Variants in TMEM272 observed in about 807,000 individuals in gnomAD.
The protein encoded by TMEM272 is long intergenic non-protein coding RNA 282.
A neutral mutation model predicts 3.7 loss-of-function variants in TMEM272; 8 were observed. The observed-to-expected ratio is 2.17, with a 90% CI of 1.27 to 3.91. The LOEUF is 3.91. TMEM272 is among the 30% of genes most tolerant of loss of function. The pLI is 0.00. For missense variants in TMEM272, 166 were observed against 91.5 expected (o/e 1.81, Z -3.32); for synonymous variants, 63 against 39.8 (o/e 1.58, Z -2.20).
At chr13:51,922,296 T>A in the TMEM272 span, among the ~76,000 whole-genome samples, 1 of 152,250 alleles carries the variant, frequency 6.6e-6, no homozygotes, top group African/African-American at 2.4e-5. Flanking sequence ...GATTCCCAAA[T>A]GCGCTCAGCT....
the TMEM272 span, among the ~76,000 whole-genome samples, chr13:51,870,540 T>A: frequency 1.3e-5 from 2 of 152,002 alleles, no homozygotes; most frequent in Non-Finnish European, 2.9e-5. Flanking sequence ...CAAGTCCCGA[T>A]AAAACACAGA....
intron 2 of TMEM272, among the ~76,000 whole-genome samples, chr13:51,836,139 T>A (rs1593597772): frequency 6.6e-6 from 1 of 152,200 alleles, no homozygotes; most frequent in African/African-American, 2.4e-5. Flanking sequence ...GATCAGGCCC[T>A]GGGAGCAGAG....
the TMEM272 span, among the ~76,000 whole-genome samples, chr13:51,897,682 T>C: frequency 1.5e-4 from 23 of 151,758 alleles, no homozygotes; most frequent in East Asian, 4.5e-3. Context: ...GTCCCAGTAC[T>C]TTGGGAGGCC....
At chr13:51,835,257 T>C (rs1373863938) in intron 2 of TMEM272, among the ~76,000 whole-genome samples, 1 of 151,310 alleles carries the variant, frequency 6.6e-6, no homozygotes, top group Non-Finnish European at 1.5e-5. Context: ...GGAGTCTCAC[T>C]CTGTCACCAG....
At chr13:51,906,536 C>T in the TMEM272 span, among the ~76,000 whole-genome samples, 3 of 152,162 alleles carry the variant, frequency 2.0e-5, no homozygotes, top group South Asian at 6.2e-4. Flanking sequence ...TTGTTATTGG[C>T]CTAATTGCAT....
the TMEM272 span, among the ~76,000 whole-genome samples, chr13:51,924,938 T>C: frequency 6.6e-6 from 1 of 152,176 alleles, no homozygotes; most frequent in Admixed American, 6.5e-5. Flanking sequence ...ACCAGTATGT[T>C]TGGGAAATGC....
At chr13:51,907,630 G>T in the TMEM272 span, among the ~76,000 whole-genome samples, 1 of 152,096 alleles carries the variant, frequency 6.6e-6, no homozygotes, top group African/African-American at 2.4e-5. Flanking sequence ...CACCGTAAAG[G>T]CTCTTGCCCA....
At chr13:51,854,776 G>A in the TMEM272 span, among the ~76,000 whole-genome samples, 8 of 152,128 alleles carry the variant, frequency 5.3e-5, no homozygotes, top group South Asian at 1.5e-3. Context: ...AGTGACCGAG[G>A]GCATAGGAAA....
the TMEM272 span, among the ~76,000 whole-genome samples, chr13:51,894,771 T>C: frequency 6.6e-6 from 1 of 152,168 alleles, no homozygotes; most frequent in Non-Finnish European, 1.5e-5. Flanking sequence ...TTCAGGATGA[T>C]TCAAGTGCAT....
the TMEM272 span, among the ~76,000 whole-genome samples, chr13:51,904,103 G>A: frequency 2.6e-5 from 4 of 152,116 alleles, no homozygotes; most frequent in Admixed American, 1.3e-4. Context: ...GGCATGAGGT[G>A]GTTTTCTGCA....
At chr13:51,926,758 A>AG in the TMEM272 span, among the ~76,000 whole-genome samples, 2 of 152,212 alleles carry the variant, frequency 1.3e-5, no homozygotes, top group African/African-American at 4.8e-5. Flanking sequence ...AAGGTGGGAC[A>AG]GGGAGCAAGG....
the TMEM272 span, among the ~76,000 whole-genome samples, chr13:51,882,528 T>A: frequency 2.6e-5 from 4 of 152,136 alleles, no homozygotes; most frequent in Non-Finnish European, 5.9e-5. Context: ...CATAATCTAG[T>A]TACTTCTTCA....
In TMEM272 at chr13:51,816,831, T is replaced by A; in HGVS notation, c.484A>T (p.Thr162Ser). The change falls in exon 5 of 5, where the codon ACT (threonine) becomes TCT (serine). Residue 162 changes from threonine to serine, a missense_variant. Thr to Ser is a moderately conservative substitution (Grantham distance 58, BLOSUM62 1). Transcript: ENST00000629372. ...FAVGVLALSH[T>S]VLVLLLLCSG... ...CACAGCAGGAGCAAGACCAGCACAG[T>A]GTGACTGAGCGCCAGGACTCCGACT... The A allele has an allele frequency of 1.4e-6, 1 of 702,968 alleles. No homozygotes were observed. The highest frequency in any genetic ancestry group is 1.5e-5 in the South Asian group (1 of 67,592). The allele number at this position is 702,968 out of a possible 1,614,324, so 43.5% of individuals were successfully genotyped here.
At chr13:51,918,201 T>TTCCA in the TMEM272 span, among the ~76,000 whole-genome samples, 3 of 152,226 alleles carry the variant, frequency 2.0e-5, no homozygotes, top group Non-Finnish European at 4.4e-5. Context: ...CTAGTGCCAA[T>TTCCA]TCCAGCAATG....
chr13:51,928,904 A>G, the TMEM272 span, among the ~76,000 whole-genome samples: 1 of 152,212 alleles, frequency 6.6e-6, no homozygotes, highest in Non-Finnish European at 1.5e-5. Flanking sequence ...CAAGCCTTAA[A>G]AAAAGTTATC....
the TMEM272 span, among the ~76,000 whole-genome samples, chr13:51,856,501 T>G: frequency 2.0e-5 from 3 of 152,226 alleles, no homozygotes; most frequent in African/African-American, 7.2e-5. Flanking sequence ...TCATCCTTGC[T>G]TCAAAGTTAA....
the TMEM272 span, among the ~76,000 whole-genome samples, chr13:51,875,735 G>A: frequency 6.6e-6 from 1 of 152,184 alleles, no homozygotes; most frequent in African/African-American, 2.4e-5. Context: ...CTGCTGATCA[G>A]GGCATGAGCG....
the TMEM272 span, chr13:51,909,764 C>A: frequency 2.6e-5 from 40 of 1,566,130 alleles, no homozygotes; most frequent in Non-Finnish European, 3.3e-5. Context: ...TACCATCATC[C>A]GTTATGTCTT....
chr13:51,914,493 G>A, the TMEM272 span, among the ~76,000 whole-genome samples: 1 of 152,342 alleles, frequency 6.6e-6, no homozygotes, highest in Non-Finnish European at 1.5e-5. Context: ...AGGGGACAGG[G>A]GCTGGAAGGG....
Sources: allele counts gnomAD v4.1 joint callset (sites outside exome capture counted in the v4.1 genomes callset), GRCh38; gene constraint gnomAD v4.1.1; transcripts MANE v1.5; gene names NCBI Gene and HGNC (gene_info 2026-07-23, HGNC 2026-07-21).